IGFL2: variants seen among roughly 807,000 people sequenced by gnomAD.
IGFL2 encodes the protein IGF like family member 2.
IGFL2 carries 7 observed loss-of-function variants against 13.9 expected under a neutral mutation model. The observed-to-expected ratio is 0.51, with a 90% CI of 0.29 to 0.95. The LOEUF (loss-of-function observed/expected upper bound fraction) is 0.95. Ranked by LOEUF, IGFL2 falls within the 40% of genes least tolerant of loss-of-function variation. The pLI, the probability that IGFL2 is intolerant of heterozygous loss-of-function variation, is 0.08. For missense variants in IGFL2, 138 were observed against 147.8 expected (o/e 0.93, Z 0.34); for synonymous variants, 55 against 55.8 (o/e 0.99, Z 0.07).
the IGFL2 span, among the ~76,000 whole-genome samples, chr19:46,091,974 C>G: frequency 6.6e-6 from 1 of 151,920 alleles, no homozygotes; most frequent in Non-Finnish European, 1.5e-5. Context: ...GTGTATATAC[C>G]ATAATCAAAA....
the IGFL2 span, among the ~76,000 whole-genome samples, chr19:46,186,993 T>C: frequency 6.6e-6 from 1 of 152,258 alleles, no homozygotes; most frequent in Non-Finnish European, 1.5e-5. Flanking sequence ...GTAAAGTATT[T>C]CACAGTGGGG....
chr19:46,080,052 T>C, the IGFL2 span, among the ~76,000 whole-genome samples: 1 of 152,220 alleles, frequency 6.6e-6, no homozygotes, highest in Non-Finnish European at 1.5e-5. Context: ...GGCTACCACC[T>C]GACTGCAGGT....
At chr19:46,140,526 T>C (rs951769030), upstream of IGFL2, among the ~76,000 whole-genome samples, 1 of 152,168 alleles carries the variant, frequency 6.6e-6, no homozygotes, top group African/African-American at 2.4e-5. Context: ...GAAAATGTTC[T>C]CTGGGACTCC....
At chr19:46,119,763 C>T in the IGFL2 span, among the ~76,000 whole-genome samples, 1 of 148,572 alleles carries the variant, frequency 6.7e-6, no homozygotes, top group South Asian at 2.2e-4. Flanking sequence ...ACTCGCTCAG[C>T]CTGTAGTGCT....
At chr19:46,150,187 G>A (rs574655346) in intron 1 of IGFL2, among the ~76,000 whole-genome samples, 19 of 152,122 alleles carry the variant, frequency 1.2e-4, no homozygotes, top group Admixed American at 5.9e-4. Context: ...TTGAGAAAAG[G>A]TTTATTCAGA....
the IGFL2 span, among the ~76,000 whole-genome samples, chr19:46,122,043 A>G: frequency 1.3e-5 from 2 of 151,196 alleles, no homozygotes; most frequent in African/African-American, 4.9e-5. Flanking sequence ...ATGCTGTGAT[A>G]TAGCTAATGT....
upstream of IGFL2, among the ~76,000 whole-genome samples, chr19:46,146,647 A>G (rs542171901): frequency 2.6e-5 from 4 of 152,180 alleles, no homozygotes; most frequent in South Asian, 8.3e-4. Flanking sequence ...CATCCTTTAT[A>G]TGTTCTCCTA....
At chr19:46,195,726 G>A in the IGFL2 span, 1 of 152,132 alleles carries the variant, frequency 6.6e-6, no homozygotes, top group African/African-American at 2.4e-5. Context: ...AGCTGACTGG[G>A]GAGATTCTCC....
chr19:46,199,064 A>G, the IGFL2 span, among the ~76,000 whole-genome samples: 3 of 152,114 alleles, frequency 2.0e-5, no homozygotes, highest in Non-Finnish European at 4.4e-5. Context: ...GGTCTCATCC[A>G]GGGATATCTG....
the IGFL2 span, among the ~76,000 whole-genome samples, chr19:46,206,289 G>A: frequency 6.6e-6 from 1 of 152,182 alleles, no homozygotes; most frequent in African/African-American, 2.4e-5. Context: ...AGGGCCAGCT[G>A]GGCTCCTCTC....
At chr19:46,085,632 A>G in the IGFL2 span, among the ~76,000 whole-genome samples, 2 of 152,166 alleles carry the variant, frequency 1.3e-5, no homozygotes, top group Non-Finnish European at 1.5e-5. Context: ...TTCAAGTTTA[A>G]TATTGATATG....
chr19:46,178,404 T>C, the IGFL2 span, among the ~76,000 whole-genome samples: 1 of 152,154 alleles, frequency 6.6e-6, no homozygotes, highest in Non-Finnish European at 1.5e-5. Flanking sequence ...GAAATCAAAA[T>C]ATTTTGCCCC....
the IGFL2 span, among the ~76,000 whole-genome samples, chr19:46,172,270 A>G: frequency 1.3e-5 from 2 of 152,338 alleles, no homozygotes; most frequent in South Asian, 4.1e-4. Context: ...GGCAGAAGAG[A>G]GTATAACTAT....
the IGFL2 span, among the ~76,000 whole-genome samples, chr19:46,190,695 C>T: frequency 6.6e-6 from 1 of 152,170 alleles, no homozygotes. Flanking sequence ...CCTGGTAATC[C>T]CCCAACCCTC....
the IGFL2 span, among the ~76,000 whole-genome samples, chr19:46,179,992 C>T: frequency 4.9e-4 from 75 of 152,164 alleles, no homozygotes; most frequent in African/African-American, 1.8e-3. Context: ...AGGGTTTTCC[C>T]TCTTGTTGGT....
At chr19:46,140,549 A>T (rs1972816298), upstream of IGFL2, among the ~76,000 whole-genome samples, 1 of 152,206 alleles carries the variant, frequency 6.6e-6, no homozygotes. Flanking sequence ...GTTTCTAGTC[A>T]AGCATGTAAG....
chr19:46,187,127 G>C, the IGFL2 span, among the ~76,000 whole-genome samples: 2 of 152,200 alleles, frequency 1.3e-5, no homozygotes, highest in African/African-American at 4.8e-5. Flanking sequence ...GATGCTGCTG[G>C]TATGTGCTAC....
chr19:46,183,010 A>G, the IGFL2 span, among the ~76,000 whole-genome samples: 30 of 152,228 alleles, frequency 2.0e-4, no homozygotes, highest in African/African-American at 7.0e-4. Flanking sequence ...TCACACTGCT[A>G]TAAAGCTACT....
the IGFL2 span, chr19:46,136,726 T>A: frequency 1.3e-5 from 7 of 534,990 alleles, no homozygotes; most frequent in East Asian, 3.5e-4. Flanking sequence ...TTCTGAGAAC[T>A]GTTTTGCTTG....
Sources: allele counts gnomAD v4.1 joint callset (sites outside exome capture counted in the v4.1 genomes callset), GRCh38; gene constraint gnomAD v4.1.1; transcripts MANE v1.5; gene names NCBI Gene and HGNC (gene_info 2026-07-23, HGNC 2026-07-21).